SPIRE1: variants seen among roughly 807,000 people sequenced by gnomAD.
SPIRE1 encodes the protein spire type actin nucleation factor 1.
SPIRE1 carries 40 observed loss-of-function variants against 94.1 expected under a neutral mutation model. The observed-to-expected ratio is 0.43, with a 90% confidence interval of 0.33 to 0.55. SPIRE1 has a LOEUF of 0.55. Ranked by LOEUF, SPIRE1 falls within the 20% of genes least tolerant of loss-of-function variation. The pLI, the probability that SPIRE1 is intolerant of heterozygous loss-of-function variation, is 0.06. For missense variants in SPIRE1, 838 were observed against 975.2 expected, an observed-to-expected ratio of 0.86 and a Z score of 1.87; for synonymous variants, 376 against 371.7, an observed-to-expected ratio of 1.01 and a Z score of -0.13.
At chr18:12,566,768 A>G (rs990884073) in intron 2 of SPIRE1, among the ~76,000 whole-genome samples, 4 of 152,286 alleles carry the variant, frequency 2.6e-5, no homozygotes, top group South Asian at 4.1e-4. Flanking sequence ...TCTACCAAAC[A>G]TTCAAAAAGA....
At chr18:12,574,398 G>C (rs2036039389) in intron 2 of SPIRE1, among the ~76,000 whole-genome samples, 1 of 152,174 alleles carries the variant, frequency 6.6e-6, no homozygotes, top group Non-Finnish European at 1.5e-5. Context: ...GTAATAGGTA[G>C]ATAGAGAAAG....
At chr18:12,620,744 A>G (rs1402109256) in intron 2 of SPIRE1, among the ~76,000 whole-genome samples, 1 of 152,168 alleles carries the variant, frequency 6.6e-6, no homozygotes, top group African/African-American at 2.4e-5. Flanking sequence ...TGGATTTGGC[A>G]ATGGATTTTT....
intron 2 of SPIRE1, among the ~76,000 whole-genome samples, chr18:12,611,271 C>A (rs1381177009): frequency 6.6e-6 from 1 of 152,156 alleles, no homozygotes; most frequent in Non-Finnish European, 1.5e-5. Context: ...CAGTCCCCTC[C>A]CACACTGTGT....
intron 1 of SPIRE1, among the ~76,000 whole-genome samples, chr18:12,652,527 T>C (rs1043890249): frequency 5.3e-5 from 8 of 152,232 alleles, no homozygotes; most frequent in Non-Finnish European, 1.0e-4. Flanking sequence ...TAGGACGTTA[T>C]ACATAATTTA....
intron 12 of SPIRE1, among the ~76,000 whole-genome samples, chr18:12,461,977 TAAA>T (rs2031882767): frequency 2.6e-5 from 4 of 152,308 alleles, no homozygotes; most frequent in Middle Eastern, 3.4e-3. Context: ...TATATTTTGG[TAAA>T]AGCAATAACT....
At chr18:12,624,831 C>A (rs76655856) in intron 2 of SPIRE1, among the ~76,000 whole-genome samples, 170 of 132,830 alleles carry the variant, frequency 1.3e-3, no homozygotes, top group East Asian at 1.3e-3. Flanking sequence ...GACTCCATCT[C>A]AAAAAAAAAA....
chr18:12,520,102 T>A (rs901161389), intron 4 of SPIRE1, among the ~76,000 whole-genome samples: 2 of 152,118 alleles, frequency 1.3e-5, no homozygotes, highest in East Asian at 1.9e-4. Flanking sequence ...GGCCTACAGA[T>A]GTGAAAGCTA....
At chr18:12,648,097 T>A (rs893751456) in intron 1 of SPIRE1, among the ~76,000 whole-genome samples, 2 of 152,094 alleles carry the variant, frequency 1.3e-5, no homozygotes, top group Non-Finnish European at 1.5e-5. Context: ...ATTGAATATA[T>A]AAGTAAATGG....
At chr18:12,569,633 C>CAAA (rs747844520) in intron 2 of SPIRE1, among the ~76,000 whole-genome samples, 1 of 77,550 alleles carries the variant, frequency 1.3e-5, no homozygotes, top group African/African-American at 3.5e-5. Context: ...AAAACAACAA[C>CAAA]AACAAAAAAA....
chr18:12,461,595 A>ATGTGTGTATATGTATG lies in SPIRE1; in HGVS notation c.1638+1755_1638+1756insCATACATATACACACA, dbSNP rs1568184390. 2.3e-3 allele frequency among the ~76,000 whole-genome samples: 335 copies of ATGTGTGTATATGTATG among 148,828 alleles called. 1 individual carries two copies. Among genetic ancestry groups the ATGTGTGTATATGTATG allele is most frequent in the African/African-American group, 6.9e-3 (269 of 38,976 alleles). On this transcript the variant is annotated intron_variant, in intron 12 of 16. Transcript: ENST00000409402. ...TGTACATACATATGTATATACATAC[A>ATGTGTGTATATGTATG]TACACACACATATACACACACATAC...
At chr18:12,644,031 CAAA>C (rs72419037) in intron 1 of SPIRE1, among the ~76,000 whole-genome samples, 4 of 132,206 alleles carry the variant, frequency 3.0e-5, no homozygotes, top group Non-Finnish European at 3.1e-5. Context: ...CTGTCTCAAC[CAAA>C]AAAAAAAAAA....
At chr18:12,477,206 G>C (rs1233254089) in intron 10 of SPIRE1, among the ~76,000 whole-genome samples, 1 of 152,148 alleles carries the variant, frequency 6.6e-6, no homozygotes, top group Non-Finnish European at 1.5e-5. Context: ...GGAGTTAAAA[G>C]TAGGCCTGTG....
chr18:12,580,671 T>C (rs933996328), intron 2 of SPIRE1, among the ~76,000 whole-genome samples: 14 of 152,184 alleles, frequency 9.2e-5, no homozygotes, highest in African/African-American at 3.4e-4. Flanking sequence ...TGTCCCTCTC[T>C]TGCTAAAACA....
chr18:12,522,898 T>C (rs34054541), intron 4 of SPIRE1, among the ~76,000 whole-genome samples: 14,378 of 152,292 alleles, frequency 0.094, 973 homozygotes, highest in Middle Eastern at 0.19. Flanking sequence ...GTTGTTTTCA[T>C]GCCTGCTAAC....
At chr18:12,604,741 T>C (rs1042894479) in intron 2 of SPIRE1, among the ~76,000 whole-genome samples, 13 of 152,146 alleles carry the variant, frequency 8.5e-5, no homozygotes, top group South Asian at 2.1e-4. Context: ...GTGAACGTTT[T>C]TGGACATAAA....
At chr18:12,504,255 C>T (rs1024333284) in intron 6 of SPIRE1, among the ~76,000 whole-genome samples, 8 of 147,306 alleles carry the variant, frequency 5.4e-5, no homozygotes, top group African/African-American at 2.0e-4. Flanking sequence ...GCCTGTAATC[C>T]TAGCACTTTG....
intron 4 of SPIRE1, among the ~76,000 whole-genome samples, chr18:12,528,073 G>A (rs939546418): frequency 1.5e-5 from 2 of 137,836 alleles, no homozygotes; most frequent in Non-Finnish European, 3.1e-5. Flanking sequence ...AAAAAAAAAA[G>A]TTAAAGGCTT....
At chr18:12,486,083 A>C in intron 8 of SPIRE1, 83 bp from the exon 9 acceptor site, 1 of 1,040,884 alleles carries the variant, frequency 9.6e-7, no homozygotes, top group Non-Finnish European at 1.4e-6. Flanking sequence ...GGAACGGATT[A>C]ATGAAGACCC....
chr18:12,619,457 G>A (rs1019682486), intron 2 of SPIRE1, among the ~76,000 whole-genome samples: 8 of 152,000 alleles, frequency 5.3e-5, no homozygotes, highest in Admixed American at 2.6e-4. Context: ...GCAGTGAGCT[G>A]AGATCGTGCC....
Sources: allele counts gnomAD v4.1 joint callset (sites outside exome capture counted in the v4.1 genomes callset), GRCh38; gene constraint gnomAD v4.1.1; transcripts MANE v1.5; gene names NCBI Gene and HGNC (gene_info 2026-07-23, HGNC 2026-07-21).